FGF13: variants seen among roughly 807,000 people sequenced by gnomAD.
The protein encoded by FGF13 is fibroblast growth factor 13.
In FGF13, 2 loss-of-function variants were observed where a neutral mutation model predicts 19.5. The ratio of observed to expected loss-of-function variants is 0.10; its 90% CI spans 0.04 to 0.32. The LOEUF (loss-of-function observed/expected upper bound fraction) is 0.32. Ranked by LOEUF, FGF13 falls within the 10% of genes least tolerant of loss-of-function variation. The pLI is 1.00. For synonymous variants in FGF13, 72 were observed against 76.9 expected, an observed-to-expected ratio of 0.94 and a Z score of 0.33; for missense variants, 113 against 192.7, an observed-to-expected ratio of 0.59 and a Z score of 2.45.
intron 3 of FGF13, among the ~76,000 whole-genome samples, chrX:138,679,243 A>AT (rs368872667): frequency 4.7e-5 from 5 of 106,304 alleles, no homozygotes; most frequent in African/African-American, 1.0e-4. Context: ...CACCCCGCTA[A>AT]TTTTTTTTTT....
intron 1 of FGF13, among the ~76,000 whole-genome samples, chrX:139,108,621 G>A (rs2083576720): frequency 1.8e-5 from 2 of 110,855 alleles, no homozygotes; most frequent in African/African-American, 3.3e-5. Flanking sequence ...GTGTGTATTC[G>A]AAGTTCTCAT....
At chrX:139,203,721 G>A (rs900552032), upstream of FGF13, among the ~76,000 whole-genome samples, 4 of 111,969 alleles carry the variant, frequency 3.6e-5, no homozygotes, top group African/African-American at 1.3e-4. Context: ...CACTCATACA[G>A]ACAGGCGGCC....
chrX:138,819,264 G>C (rs778813197), intron 3 of FGF13, among the ~76,000 whole-genome samples: 1 of 110,722 alleles, frequency 9.0e-6, no homozygotes, highest in African/African-American at 3.3e-5. Flanking sequence ...TTTAGGACAA[G>C]ATATCAATTA....
intron 1 of FGF13, among the ~76,000 whole-genome samples, chrX:139,068,527 G>T (rs1401981264): frequency 3.6e-4 from 39 of 109,673 alleles, no homozygotes; most frequent in Non-Finnish European, 6.6e-4. Flanking sequence ...GTGAAGAAAG[G>T]CATTGGTAGC....
intron 1 of FGF13, among the ~76,000 whole-genome samples, chrX:139,064,132 A>G (rs2124424931): frequency 9.0e-6 from 1 of 110,703 alleles, no homozygotes; most frequent in African/African-American, 3.3e-5. Flanking sequence ...TCATTAATAT[A>G]TATTTTGTCA....
intron 1 of FGF13, among the ~76,000 whole-genome samples, chrX:139,141,505 C>T (rs2083845044): frequency 8.9e-6 from 1 of 111,934 alleles, no homozygotes; most frequent in Non-Finnish European, 1.9e-5. Context: ...ACCCTCCACT[C>T]ACTCTGTCTG....
chrX:138,685,263 C>G (rs1429305465), intron 3 of FGF13, among the ~76,000 whole-genome samples: 2 of 110,852 alleles, frequency 1.8e-5, no homozygotes, highest in African/African-American at 6.6e-5. Context: ...CAAGATCATA[C>G]CAGGGGCAGT....
chrX:138,662,742 G>T (rs757266361), intron 3 of FGF13, among the ~76,000 whole-genome samples: 1 of 111,546 alleles, frequency 9.0e-6, no homozygotes, highest in South Asian at 3.8e-4. Context: ...AACATGGTGT[G>T]CTAATGGATA....
At chrX:138,984,588 A>AGGAGGAGG (rs2091982417) in intron 1 of FGF13, among the ~76,000 whole-genome samples, 1 of 11,511 alleles carries the variant, frequency 8.7e-5, no homozygotes, top group African/African-American at 2.8e-4. Flanking sequence ...GAAGAAGAAG[A>AGGAGGAGG]AGGAGGAGGA....
intron 1 of FGF13, among the ~76,000 whole-genome samples, chrX:139,036,001 A>G (rs1196298947): frequency 8.9e-6 from 1 of 112,104 alleles, no homozygotes. Context: ...GGGACCAGTA[A>G]GTAAACCTTA....
At chrX:139,123,782 G>A (rs1287503107) in intron 1 of FGF13, among the ~76,000 whole-genome samples, 5 of 112,307 alleles carry the variant, frequency 4.5e-5, no homozygotes, top group African/African-American at 1.6e-4. Flanking sequence ...ATAACAATGT[G>A]TTGAATATAT....
At chrX:138,903,960 C>A (rs1027767635) in intron 1 of FGF13, among the ~76,000 whole-genome samples, 49 of 111,127 alleles carry the variant, frequency 4.4e-4, no homozygotes, top group African/African-American at 1.5e-3. Flanking sequence ...AGGAAGGCCA[C>A]AGTGGCAGTT....
intron 1 of FGF13, among the ~76,000 whole-genome samples, chrX:139,174,475 C>T (rs1350470676): frequency 1.8e-5 from 2 of 112,128 alleles, no homozygotes; most frequent in African/African-American, 6.5e-5. Context: ...GACATCTTTG[C>T]CCATGCCTAT....
chrX:138,739,192 TA>T, intron 1 of FGF13: 1 of 745,428 alleles, frequency 1.3e-6, no homozygotes, highest in Non-Finnish European at 2.1e-6. Flanking sequence ...ATGTCCAGGA[TA>T]AACATTCAAA....
chrX:139,162,811 T>C (rs1450478307), intron 1 of FGF13, among the ~76,000 whole-genome samples: 1 of 112,526 alleles, frequency 8.9e-6, no homozygotes, highest in Non-Finnish European at 1.9e-5. Context: ...TCACTGGTCA[T>C]TGGAGAAATG....
At chrX:139,085,887 C>G (rs1334864420) in intron 1 of FGF13, among the ~76,000 whole-genome samples, 1 of 112,232 alleles carries the variant, frequency 8.9e-6, no homozygotes, top group African/African-American at 3.2e-5. Flanking sequence ...GTTCTATTTT[C>G]TATTTTATAA....
chrX:138,835,358 G>A (rs1426615813), intron 3 of FGF13, among the ~76,000 whole-genome samples: 1 of 112,048 alleles, frequency 8.9e-6, no homozygotes, highest in Non-Finnish European at 1.9e-5. Flanking sequence ...TAAATATTTA[G>A]GATAGTTAGA....
chrX:138,694,911 T>C (rs2089878670), intron 3 of FGF13, among the ~76,000 whole-genome samples: 1 of 108,254 alleles, frequency 9.2e-6, no homozygotes, highest in African/African-American at 3.4e-5. Flanking sequence ...AAACATAACA[T>C]TAAAAACTGG....
At chrX:139,010,206 G>A (rs907809728) in intron 1 of FGF13, among the ~76,000 whole-genome samples, 1 of 111,196 alleles carries the variant, frequency 9.0e-6, no homozygotes, top group Non-Finnish European at 1.9e-5. Context: ...ATAATAGTGG[G>A]TGACTTCAGT....
Sources: allele counts gnomAD v4.1 joint callset (sites outside exome capture counted in the v4.1 genomes callset), GRCh38; gene constraint gnomAD v4.1.1; transcripts MANE v1.5; gene names NCBI Gene and HGNC (gene_info 2026-07-23, HGNC 2026-07-21).